PDS5B: variants seen among roughly 807,000 people sequenced by gnomAD.
PDS5B encodes the protein sister chromatid cohesion protein PDS5 homolog B.
In PDS5B, 51 loss-of-function variants were observed where a neutral mutation model predicts 184.1. The observed-to-expected ratio is 0.28, with a 90% confidence interval of 0.22 to 0.35. The LOEUF is 0.35. Ranked by LOEUF, PDS5B falls within the 10% of genes least tolerant of loss-of-function variation. PDS5B has a pLI of 1.00. For missense variants in PDS5B, 1,180 were observed against 1,723.3 expected, an observed-to-expected ratio of 0.68 and a Z score of 5.58; for synonymous variants, 566 against 569.2, an observed-to-expected ratio of 0.99 and a Z score of 0.08.
chr13:32,767,398 G>A (rs1328435150), intron 31 of PDS5B, among the ~76,000 whole-genome samples: 1 of 152,112 alleles, frequency 6.6e-6, no homozygotes, highest in African/African-American at 2.4e-5. Flanking sequence ...AATTGCTCTA[G>A]AATGTTTGAC....
chr13:32,675,030 A>G (rs1197275779), intron 8 of PDS5B, among the ~76,000 whole-genome samples: 1 of 152,056 alleles, frequency 6.6e-6, no homozygotes, highest in Admixed American at 6.6e-5. Flanking sequence ...TAAAGAAAGA[A>G]ATAATAGAGA....
Position 32,707,050 on chromosome 13 carries a change from A to G in PDS5B, c.1962+11A>G. ...CTTGAACTGCTTAAGGTAAGTATCT[A>G]TTTAAAATTAAGTGCCTAATTAGAT... On this transcript the variant is annotated intron_variant, in intron 18 of 34. Transcript: ENST00000315596. The G allele has an allele frequency of 6.8e-7, 1 of 1,469,596 alleles. No homozygotes were observed. Among genetic ancestry groups the G allele is most frequent in the Non-Finnish European group, 9.3e-7 (1 of 1,071,562 alleles). The allele number at this position is 1,469,596 out of a possible 1,614,324, so 91.0% of individuals were successfully genotyped here.
At chr13:32,674,192 T>G (rs543090160) in intron 8 of PDS5B, among the ~76,000 whole-genome samples, 1 of 152,152 alleles carries the variant, frequency 6.6e-6, no homozygotes, top group Admixed American at 6.5e-5. Context: ...TTGGACAATA[T>G]AGTTTTCTTT....
At chr13:32,699,353 G>T (rs1951800227) in intron 15 of PDS5B, among the ~76,000 whole-genome samples, 1 of 152,124 alleles carries the variant, frequency 6.6e-6, no homozygotes, top group Non-Finnish European at 1.5e-5. Context: ...GTTCTTAAAG[G>T]TAAAACTTAG....
At position 32,598,115 on chromosome 13, in the gene PDS5B, A is replaced by G. The variant is rs148295920; in HGVS notation, c.-20+11522A>G. ...TTTTGAGATGGAGTCTCACTCTGTC[A>G]CCTAGGCTGGGGTGCAGTGGTGTGA... On this transcript the variant is annotated intron_variant, in intron 1 of 34. Coordinates refer to ENST00000315596, the MANE Select transcript of PDS5B (RefSeq NM_015032.4). Among the ~76,000 whole-genome samples, 1,277 of 152,100 alleles carry G rather than the reference A, an allele frequency of 8.4e-3. 30 individuals are homozygous for G. Among genetic ancestry groups the G allele is most frequent in the African/African-American group, 0.029 (1,193 of 41,426 alleles).
intron 24 of PDS5B, among the ~76,000 whole-genome samples, chr13:32,747,769 G>A (rs4942872): frequency 0.99 from 150,822 of 152,340 alleles, 74,661 homozygotes; most frequent in Middle Eastern, 1. Context: ...CAGTCTGTTT[G>A]TCAGGTTCTT....
chr13:32,663,513 A>G (rs973681060), intron 6 of PDS5B, among the ~76,000 whole-genome samples: 18 of 152,200 alleles, frequency 1.2e-4, no homozygotes, highest in African/African-American at 4.3e-4. Flanking sequence ...TTTAATAGAT[A>G]TAGAAAAAGA....
At chr13:32,598,247 G>A (rs2057912230) in intron 1 of PDS5B, among the ~76,000 whole-genome samples, 1 of 151,792 alleles carries the variant, frequency 6.6e-6, no homozygotes, top group South Asian at 2.1e-4. Flanking sequence ...AAATTTTTTT[G>A]TATTTTTAGT....
At chr13:32,681,689 T>C (rs1951251164) in intron 10 of PDS5B, among the ~76,000 whole-genome samples, 1 of 151,880 alleles carries the variant, frequency 6.6e-6, no homozygotes, top group Non-Finnish European at 1.5e-5. Context: ...TCAATTATTT[T>C]CTTTTAAACC....
intron 2 of PDS5B, 165 bp downstream of exon 2, chr13:32,649,045 G>A: frequency 3.7e-6 from 2 of 536,408 alleles, no homozygotes; most frequent in Non-Finnish European, 6.6e-6. Flanking sequence ...GGTACAGTGG[G>A]GATTATTTGG....
chr13:32,643,391 G>A (rs369145378), intron 1 of PDS5B, among the ~76,000 whole-genome samples: 13 of 152,044 alleles, frequency 8.6e-5, no homozygotes, highest in Admixed American at 2.6e-4. Flanking sequence ...ACTGTACCTC[G>A]AATTCATTTT....
At chr13:32,655,374 A>ATATATATATATATATATT in intron 3 of PDS5B, among the ~76,000 whole-genome samples, 1 of 72,464 alleles carries the variant, frequency 1.4e-5, no homozygotes, top group African/African-American at 8.3e-5. Flanking sequence ...ATATATATAT[A>ATATATATATATATATATT]TTTTTTTTTT....
chr13:32,753,580 A>G (rs1954063758), intron 25 of PDS5B, 44 bp downstream of exon 25: 1 of 1,370,952 alleles, frequency 7.3e-7, no homozygotes, highest in African/African-American at 1.5e-5. Flanking sequence ...TCAGCCTGCT[A>G]GTTTCAGTTT....
intron 3 of PDS5B, 99 bp from the exon 4 acceptor site, chr13:32,658,140 G>T: frequency 1.7e-6 from 1 of 604,976 alleles, no homozygotes. Context: ...AGTTTATTAT[G>T]ATATGTACAC....
At position 32,770,193 on chromosome 13, in the gene PDS5B, G is replaced by C. The variant is rs775651934; in HGVS notation, c.3697G>C (p.Asp1233His). 6.2e-7 allele frequency: 1 copy of C among 1,613,930 alleles called. No homozygotes were observed. The highest frequency in any genetic ancestry group is 8.5e-7 in the Non-Finnish European group (1 of 1,179,954). ...TEQEEKLGMD[D>H]LTKLVQEQKP... ...ACAGGAGGAGAAATTAGGTATGGATGACTTGACTAAGTTGGTACAGGAACA... is the reference window on the plus strand; with the variant it reads ...ACAGGAGGAGAAATTAGGTATGGATCACTTGACTAAGTTGGTACAGGAACA... The change falls in exon 32 of 35, where the codon GAC (aspartate) becomes CAC (histidine). Residue 1233 changes from aspartate to histidine, a missense_variant. By Grantham distance (81) the Asp-to-His change is moderately conservative (BLOSUM62 -1). Transcript: ENST00000315596.
At chr13:32,602,801 ACATGGTATTT>A (rs1313499932) in intron 1 of PDS5B, among the ~76,000 whole-genome samples, 1 of 152,152 alleles carries the variant, frequency 6.6e-6, no homozygotes, top group Non-Finnish European at 1.5e-5. Flanking sequence ...AACGGGTGTG[ACATGGTATTT>A]CATTGTGGTT....
rs1593440334 is a variant in PDS5B at position 32,692,414 on chromosome 13, C to CTTTTTTTTTTTTT, written c.1470-1809_1470-1808insTTTTTTTTTTTTT. On this transcript the variant is annotated intron_variant, in intron 13 of 34. Coordinates refer to ENST00000315596, the MANE Select transcript of PDS5B (RefSeq NM_015032.4). ...ATTAAACAAGTTTGCGTCCAAAAAG[C>CTTTTTTTTTTTTT]CTTTTTTTTTTTTTTTTTTTTTTTT... Among the ~76,000 whole-genome samples the CTTTTTTTTTTTTT allele has an allele frequency of 3.5e-3, 240 of 69,150 alleles. 102 individuals carry two copies. The highest frequency in any genetic ancestry group is 4.2e-3 in the African/African-American group (84 of 19,838). 45.4% of individuals were successfully genotyped at this position (69,150 alleles called of 152,430 possible).
intron 1 of PDS5B, among the ~76,000 whole-genome samples, chr13:32,603,714 C>A (rs577203836): frequency 6.6e-6 from 1 of 152,266 alleles, no homozygotes; most frequent in Admixed American, 6.5e-5. Flanking sequence ...AGTATTGATT[C>A]TTTCTATCCA....
In PDS5B at chr13:32,652,041, C is replaced by T. The variant is rs146037518; in HGVS notation, c.312+34C>T. On this transcript the variant is annotated intron_variant, in intron 3 of 34. Coordinates refer to ENST00000315596, the MANE Select transcript of PDS5B (RefSeq NM_015032.4). ...TGATTTAAATAACTCCAAGATTGAC[C>T]GATACTTTGATTTATCTTTCTAACT... is the stretch of plus-strand genomic sequence containing the variant. 1.8e-4 allele frequency: 243 copies of T among 1,375,358 alleles called. No individual in the cohort carries two copies. In the African/African-American group the frequency reaches 2.6e-3, roughly 15 times the overall value. 85.2% of individuals were successfully genotyped at this position (1,375,358 alleles called of 1,614,324 possible).
Sources: allele counts gnomAD v4.1 joint callset (sites outside exome capture counted in the v4.1 genomes callset), GRCh38; gene constraint gnomAD v4.1.1; transcripts MANE v1.5; gene names NCBI Gene and HGNC (gene_info 2026-07-23, HGNC 2026-07-21).